MFSD6: variants seen among roughly 807,000 people sequenced by gnomAD.
MFSD6 encodes the protein major facilitator superfamily domain containing 6.
MFSD6 carries 26 observed loss-of-function variants against 56.3 expected under a neutral mutation model. The observed-to-expected ratio is 0.46, with a 90% CI of 0.34 to 0.64. MFSD6 has a LOEUF of 0.64. Ranked by LOEUF, MFSD6 falls within the 30% of genes least tolerant of loss-of-function variation. The probability of loss-of-function intolerance (pLI) is 0.01; values close to 1 mark genes in which losing one functional copy is unlikely to be tolerated. For synonymous variants in MFSD6, 331 were observed against 366.9 expected, an observed-to-expected ratio of 0.90 and a Z score of 1.12; for missense variants, 750 against 986.2, an observed-to-expected ratio of 0.76 and a Z score of 3.21.
At chr2:190,481,075 T>C (rs943170941) in intron 4 of MFSD6, among the ~76,000 whole-genome samples, 1 of 152,186 alleles carries the variant, frequency 6.6e-6, no homozygotes, top group African/African-American at 2.4e-5. Flanking sequence ...GAAATCTTTA[T>C]TGGCTGATAG....
chr2:190,422,344 CT>C (rs1297783637), intron 2 of MFSD6, among the ~76,000 whole-genome samples: 1 of 152,172 alleles, frequency 6.6e-6, no homozygotes, highest in African/African-American at 2.4e-5. Context: ...TCTGTCATCC[CT>C]GTATTCCTGT....
intron 3 of MFSD6, among the ~76,000 whole-genome samples, chr2:190,450,231 A>C (rs556820191): frequency 2.6e-5 from 4 of 152,108 alleles, no homozygotes; most frequent in Non-Finnish European, 5.9e-5. Context: ...ATTTCTACAT[A>C]TACATGGAAA....
rs1422920802 is a variant in MFSD6 at position 190,433,009 on chromosome 2, C to T, written c.-53-2968C>T. On this transcript the variant is annotated intron_variant, in intron 2 of 7. Transcript: ENST00000392328. This position sits in a 1 kb window ranked among gnomAD's most constrained non-coding sequence, Gnocchi z 4.5. ...AACCAAGGTTTTAGTTTTCTCAGAT[C>T]TACCAAGTCTTTTACCAATTGTTTA... Among the ~76,000 whole-genome samples, 1 of 152,204 alleles carries T rather than the reference C, an allele frequency of 6.6e-6. No individual in the cohort carries two copies. The highest frequency in any genetic ancestry group is 2.4e-5 in the African/African-American group (1 of 41,434).
chr2:190,431,690 G>A lies in MFSD6; in HGVS notation c.-53-4287G>A, dbSNP rs574570682. 6.8e-4 allele frequency among the ~76,000 whole-genome samples: 97 copies of A among 141,732 alleles called. 2 individuals are homozygous for A. In the South Asian group the frequency reaches 0.019, roughly 28 times the overall value. 93.0% of individuals were successfully genotyped at this position (141,732 alleles called of 152,430 possible). A position where few individuals can be genotyped will look rare whatever the true frequency, so the allele number is the denominator to read the frequency against. On this transcript the variant is annotated intron_variant, in intron 2 of 7. Transcript: ENST00000392328. The surrounding 1 kb of genome is among the most constrained non-coding windows in gnomAD (Gnocchi z 4.4). ...GCTTCGGCTCAGCATCAGGGAGACC[G>A]TGGAAAGAGAGGGAGAGGGAGACTG...
Position 190,436,584 on chromosome 2 carries a change from T to C in MFSD6, c.555T>C (p.Phe185=), listed in dbSNP as rs777385313. ...QLTILPTNSS[F]TSFLTISPKM... ...CTATCCTGCCAACAAATTCTTCCTT[T>C]ACCTCTTTCCTCACCATATCACCAA... is the stretch of plus-strand genomic sequence containing the variant. Residue 185 remains phenylalanine, a synonymous_variant, in exon 3 of 8, where the codon TTT becomes TTC. Coordinates refer to ENST00000392328, the MANE Select transcript of MFSD6 (RefSeq NM_017694.4). The surrounding 1 kb of genome is among the most constrained non-coding windows in gnomAD (Gnocchi z 5.3). The C allele has an allele frequency of 3.7e-6, 6 of 1,614,214 alleles. No homozygotes were observed.
Position 190,454,932 on chromosome 2 carries a change from G to GTATGTATATGTATATGTA in MFSD6, c.1533-14775_1533-14758dup, listed in dbSNP as rs56676240. Among the ~76,000 whole-genome samples, 2,431 of 132,872 alleles carry GTATGTATATGTATATGTA rather than the reference G, an allele frequency of 0.018. 61 individuals are homozygous for GTATGTATATGTATATGTA. The highest frequency in any genetic ancestry group is 0.047 in the East Asian group (203 of 4,362). The allele number at this position is 132,872 out of a possible 152,430, so 87.2% of individuals were successfully genotyped here. A position where few individuals can be genotyped will look rare whatever the true frequency, so the allele number is the denominator to read the frequency against. ...GTATGTATATGTGTTCCTGGTTTCTGTATGTATATGTATATGTATATGTAT... is the reference window on the plus strand; with the variant it reads ...GTATGTATATGTGTTCCTGGTTTCTGTATGTATATGTATATGTATATGTATATGTATATGTATATGTAT... On this transcript the variant is annotated intron_variant, in intron 3 of 7. Coordinates refer to ENST00000392328, the MANE Select transcript of MFSD6 (RefSeq NM_017694.4). This position sits in a 1 kb window ranked among gnomAD's most constrained non-coding sequence, Gnocchi z 4.6.
rs1322385416 is a variant in MFSD6 at position 190,496,646 on chromosome 2, G to A, written c.1892-793G>A. On this transcript the variant is annotated intron_variant, in intron 6 of 7. Transcript: ENST00000392328. The surrounding 1 kb of genome is among the most constrained non-coding windows in gnomAD (Gnocchi z 4.7). ...TGTATGTATATGTGTGTATATATAT[G>A]TATATGTGTATATGTGTGTGTATGT... Among the ~76,000 whole-genome samples the A allele has an allele frequency of 3.3e-5, 5 of 151,286 alleles. No homozygotes were observed. In the East Asian group the frequency reaches 5.8e-4, roughly 18 times the overall value.
rs1365311194 is a variant in MFSD6 at position 190,438,174 on chromosome 2, C to A, written c.1532+613C>A. 4.0e-5 allele frequency among the ~76,000 whole-genome samples: 6 copies of A among 150,224 alleles called. No individual in the cohort carries two copies. The East Asian group carries it at 1.2e-3, about 29-fold the overall frequency. ...ATGAAGACATAGGATATTTGAAAAT[C>A]TTTCTTCCACCTAAAATTTCCCATG... On this transcript the variant is annotated intron_variant, in intron 3 of 7. Transcript: ENST00000392328. The surrounding 1 kb of genome is among the most constrained non-coding windows in gnomAD (Gnocchi z 5.2).
chr2:190,479,408 T>A (rs534026650), intron 4 of MFSD6, among the ~76,000 whole-genome samples: 23 of 152,328 alleles, frequency 1.5e-4, no homozygotes, highest in African/African-American at 5.1e-4. Context: ...GGAGTCTACG[T>A]GCCTAAAAGC....
intron 2 of MFSD6, 40 bp from the exon 3 acceptor site, chr2:190,435,937 A>G: frequency 6.8e-7 from 1 of 1,461,286 alleles, no homozygotes; most frequent in Non-Finnish European, 9.2e-7. Context: ...ACATGTTATG[A>G]TTTTCATTAC....
At chr2:190,442,102 AG>A (rs1292120612) in intron 3 of MFSD6, among the ~76,000 whole-genome samples, 1 of 152,246 alleles carries the variant, frequency 6.6e-6, no homozygotes, top group Non-Finnish European at 1.5e-5. Flanking sequence ...TGATTCCTTA[AG>A]GGAGGATTAA....
intron 4 of MFSD6, among the ~76,000 whole-genome samples, chr2:190,475,154 C>G (rs1019244243): frequency 3.3e-5 from 5 of 152,150 alleles, no homozygotes; most frequent in East Asian, 1.9e-4. Flanking sequence ...AAAACTGACA[C>G]AAGACAGGGA....
intron 2 of MFSD6, among the ~76,000 whole-genome samples, chr2:190,421,434 T>C (rs926138031): frequency 6.6e-6 from 1 of 152,188 alleles, no homozygotes; most frequent in African/African-American, 2.4e-5. Context: ...CTTTCTCAGT[T>C]TTTATTTTTA....
intron 3 of MFSD6, among the ~76,000 whole-genome samples, chr2:190,444,582 A>G (rs536308085): frequency 6.6e-6 from 1 of 152,318 alleles, no homozygotes; most frequent in Admixed American, 6.5e-5. Context: ...CGAAGTCATC[A>G]TTCTCCACAA....
rs1163230896 is a variant in MFSD6, at chr2:190,426,870, T to C, written c.-53-9107T>C. On this transcript the variant is annotated intron_variant, in intron 2 of 7. Coordinates refer to ENST00000392328, the MANE Select transcript of MFSD6 (RefSeq NM_017694.4). This position sits in a 1 kb window ranked among gnomAD's most constrained non-coding sequence, Gnocchi z 4.7. The stretch of plus-strand genomic sequence containing the variant: ...ACCTTCTGCTTTAGCTGACTTTTTC[T>C]GAAACTGCTCTGGCAAGAGAAGGGA... 6.6e-6 allele frequency among the ~76,000 whole-genome samples: 1 copy of C among 152,246 alleles called. No individual in the cohort carries two copies. The highest frequency in any genetic ancestry group is 2.4e-5 in the African/African-American group (1 of 41,472).
Position 190,434,675 on chromosome 2 carries a change from G to A in MFSD6, c.-53-1302G>A, listed in dbSNP as rs1408360228. 3.9e-5 allele frequency among the ~76,000 whole-genome samples: 6 copies of A among 152,116 alleles called. No individual in the cohort carries two copies. Among genetic ancestry groups the A allele is most frequent in the African/African-American group, 1.4e-4 (6 of 41,524 alleles). On this transcript the variant is annotated intron_variant, in intron 2 of 7. Transcript: ENST00000392328. The surrounding 1 kb of genome is among the most constrained non-coding windows in gnomAD (Gnocchi z 4.3). ...TCTCAATCTCCTGAACTCATGATCC[G>A]CCCCCCTCAGCCTCCCAAAGTGCTG...
Position 190,455,431 on chromosome 2 carries a change from C to A in MFSD6, c.1533-14327C>A, listed in dbSNP as rs533588066. On this transcript the variant is annotated intron_variant, in intron 3 of 7. Coordinates refer to ENST00000392328, the MANE Select transcript of MFSD6 (RefSeq NM_017694.4). ...TAAATTTCCCTGAAAGGTTTCTGAT[C>A]CAGCTGGGGGAGGCTCTGCTGGCCA... Among the ~76,000 whole-genome samples the A allele has an allele frequency of 1.2e-3, 190 of 152,210 alleles. 1 individual carries two copies. Among genetic ancestry groups the A allele is most frequent in the Non-Finnish European group, 2.5e-3 (169 of 68,006 alleles).
rs900349861 is a variant in MFSD6 at position 190,496,970 on chromosome 2, T to A, written c.1892-469T>A. ...CAAATTGGGTTCATTGTATACTGCT[T>A]GGGTGATGGTTGCACCAAAATCTCA... On this transcript the variant is annotated intron_variant, in intron 6 of 7. Coordinates refer to ENST00000392328, the MANE Select transcript of MFSD6 (RefSeq NM_017694.4). The surrounding 1 kb of genome is among the most constrained non-coding windows in gnomAD (Gnocchi z 4.7). 2.0e-5 allele frequency among the ~76,000 whole-genome samples: 3 copies of A among 152,186 alleles called. No homozygotes were observed. The highest frequency in any genetic ancestry group is 7.2e-5 in the African/African-American group (3 of 41,446).
intron 1 of MFSD6, chr2:190,411,988 T>A (rs946274257): frequency 3.1e-5 from 31 of 985,322 alleles, no homozygotes; most frequent in Non-Finnish European, 2.5e-5. Context: ...ATTTACCTGC[T>A]GTGTCATCTC....
Sources: allele counts gnomAD v4.1 joint callset (sites outside exome capture counted in the v4.1 genomes callset), GRCh38; gene constraint gnomAD v4.1.1; non-coding constraint Gnocchi (gnomAD v3.1); transcripts MANE v1.5; gene names NCBI Gene and HGNC (gene_info 2026-07-23, HGNC 2026-07-21).